Variants in ZC2HC1A observed in about 807,000 individuals in gnomAD.
The protein encoded by ZC2HC1A is zinc finger C2HC-type containing 1A, also known as zinc finger C2HC domain-containing protein 1A.
ZC2HC1A carries 28 observed loss-of-function variants against 40.7 expected under a neutral mutation model. The ratio of observed to expected loss-of-function variants is 0.69; its 90% CI spans 0.51 to 0.94. ZC2HC1A has a LOEUF of 0.94. Ranked by LOEUF, ZC2HC1A falls within the 40% of genes least tolerant of loss-of-function variation. The pLI is 0.00. For synonymous variants in ZC2HC1A, 129 were observed against 129.2 expected (o/e 1.00, Z 0.01); for missense variants, 389 against 386.3 (o/e 1.01, Z -0.06).
At chr8:78,708,159 A>T (rs1810837851) in intron 7 of ZC2HC1A, among the ~76,000 whole-genome samples, 1 of 152,232 alleles carries the variant, frequency 6.6e-6, no homozygotes, top group Non-Finnish European at 1.5e-5. Context: ...AGGTTGAATT[A>T]AGACATTTGG....
chr8:78,697,212 A>G (rs567363017), intron 5 of ZC2HC1A, among the ~76,000 whole-genome samples, 195 bp from the exon 6 acceptor site: 25 of 152,322 alleles, frequency 1.6e-4, no homozygotes, highest in African/African-American at 5.8e-4. Context: ...GTTTTTAAGA[A>G]TACAATTCAG....
intron 2 of ZC2HC1A, among the ~76,000 whole-genome samples, chr8:78,678,205 C>G (rs1294684556): frequency 6.6e-6 from 1 of 152,028 alleles, no homozygotes; most frequent in East Asian, 1.9e-4. Flanking sequence ...GAATGCAGTC[C>G]AGTAGGTTTC....
chr8:78,669,560 A>C (rs930863570), intron 1 of ZC2HC1A, among the ~76,000 whole-genome samples: 5 of 152,228 alleles, frequency 3.3e-5, no homozygotes, highest in Non-Finnish European at 7.3e-5. Context: ...ATTTGTCAGC[A>C]GTGGCTCAGA....
chr8:78,691,970 C>G (rs1810227481), intron 5 of ZC2HC1A, among the ~76,000 whole-genome samples: 1 of 152,104 alleles, frequency 6.6e-6, no homozygotes, highest in African/African-American at 2.4e-5. Context: ...TTCATGGATA[C>G]AATGTGCAAT....
At chr8:78,675,950 G>A (rs569778804) in intron 2 of ZC2HC1A, 87 bp downstream of exon 2, 28 of 1,194,006 alleles carry the variant, frequency 2.3e-5, no homozygotes, top group Admixed American at 1.3e-4. Flanking sequence ...AAGAATTTAC[G>A]TGGAATAGTT....
chr8:78,687,836 ATTAT>A (rs1453357004), intron 4 of ZC2HC1A, among the ~76,000 whole-genome samples: 1 of 64,582 alleles, frequency 1.5e-5, no homozygotes, highest in Non-Finnish European at 3.5e-5. Flanking sequence ...CATGTAATAA[ATTAT>A]ATATATATTT....
At chr8:78,698,071 G>C (rs1810489235) in intron 6 of ZC2HC1A, among the ~76,000 whole-genome samples, 1 of 152,096 alleles carries the variant, frequency 6.6e-6, no homozygotes, top group South Asian at 2.1e-4. Context: ...GTACTTCCTT[G>C]ATTCTTTGAT....
In ZC2HC1A at chr8:78,718,508, T is replaced by A. The variant is rs1811173965; in HGVS notation, c.*1015T>A. 1 of 151,942 alleles carries A rather than the reference T, an allele frequency of 6.6e-6. No homozygotes were observed. Among genetic ancestry groups the A allele is most frequent in the South Asian group, 2.1e-4 (1 of 4,832 alleles). The allele number at this position is 151,942 out of a possible 1,614,324, so 9.4% of individuals were successfully genotyped here. A position where few individuals can be genotyped will look rare whatever the true frequency, so the allele number is the denominator to read the frequency against. ...AGATAAAAAATATTTGAATTTTTTT[T>A]TCTTGGAAGTACATGTAGTTATGAG... On this transcript the variant is annotated 3_prime_UTR_variant, in exon 9 of 9. Transcript: ENST00000263849.
At chr8:78,683,157 G>A (rs751965348) in intron 3 of ZC2HC1A, among the ~76,000 whole-genome samples, 37 of 151,802 alleles carry the variant, frequency 2.4e-4, no homozygotes, top group African/African-American at 7.2e-4. Flanking sequence ...GCAACCTGTC[G>A]GTGGATCTAC....
intron 7 of ZC2HC1A, chr8:78,712,143 A>G: frequency 8.4e-7 from 1 of 1,187,116 alleles, no homozygotes; most frequent in Non-Finnish European, 1.1e-6. Context: ...AATATTTTTC[A>G]GATATTTCCT....
intron 3 of ZC2HC1A, among the ~76,000 whole-genome samples, chr8:78,681,501 T>A (rs7842142): frequency 6.6e-6 from 1 of 151,934 alleles, no homozygotes. Context: ...TGCATTTATA[T>A]TAATCAGAGA....
intron 5 of ZC2HC1A, among the ~76,000 whole-genome samples, chr8:78,695,231 T>C (rs1181168445): frequency 6.6e-6 from 1 of 152,130 alleles, no homozygotes; most frequent in African/African-American, 2.4e-5. Context: ...CTCAGAAAAC[T>C]CAACAATAAA....
At chr8:78,668,165 C>G (rs1809353900) in intron 1 of ZC2HC1A, among the ~76,000 whole-genome samples, 1 of 151,904 alleles carries the variant, frequency 6.6e-6, no homozygotes, top group African/African-American at 2.4e-5. Flanking sequence ...CCTCCTTCTC[C>G]CCTCTCCCTC....
Position 78,689,222 on chromosome 8 carries a change from A to T in ZC2HC1A, c.353A>T (p.Asp118Val). The change falls in exon 5 of 9, where the codon GAT (aspartate) becomes GTT (valine). Residue 118 changes from aspartate to valine, a missense_variant and splice_region_variant. Coordinates refer to ENST00000263849, the MANE Select transcript of ZC2HC1A (RefSeq NM_016010.3). ...CTGTTTCCGTTTTTATCTGTTATAG[A>T]TTATATTCAATGTCCATATTGTCAG... ...PPPPPPSYDP[D>V]YIQCPYCQRR... 2 of 1,558,222 alleles carry T rather than the reference A, an allele frequency of 1.3e-6. No individual in the cohort carries two copies. The highest frequency in any genetic ancestry group is 1.7e-6 in the Non-Finnish European group (2 of 1,154,934).
At position 78,698,396 on chromosome 8, in the gene ZC2HC1A, A is replaced by G. The variant is rs1360676492; in HGVS notation, c.605-18A>G. ...CTTTTTTAGAGTATTGTTAAAAATA[A>G]TGCTTTTTTATTATAAGGTGTTCCT... On this transcript the variant is annotated intron_variant, in intron 6 of 8. Transcript: ENST00000263849. 1.9e-6 allele frequency: 3 copies of G among 1,589,086 alleles called. 1 individual carries two copies. The South Asian group carries it at 3.4e-5, about 18-fold the overall frequency.
At chr8:78,666,488 C>T (rs944381051) in intron 1 of ZC2HC1A, among the ~76,000 whole-genome samples, 9 of 152,182 alleles carry the variant, frequency 5.9e-5, no homozygotes, top group Non-Finnish European at 1.2e-4. Flanking sequence ...TTTAGTGATC[C>T]CAGTCTCTGG....
intron 1 of ZC2HC1A, among the ~76,000 whole-genome samples, chr8:78,666,524 ACT>A (rs766213864): frequency 5.3e-5 from 8 of 151,778 alleles, no homozygotes; most frequent in East Asian, 1.9e-4. Context: ...CTTGTACTGG[ACT>A]CTCTCCATTA....
At chr8:78,668,958 G>C (rs138020395) in intron 1 of ZC2HC1A, among the ~76,000 whole-genome samples, 1 of 152,200 alleles carries the variant, frequency 6.6e-6, no homozygotes, top group Non-Finnish European at 1.5e-5. Context: ...CAGACTGTCC[G>C]TTCCTCTTGT....
intron 8 of ZC2HC1A, among the ~76,000 whole-genome samples, chr8:78,716,314 G>A (rs1372899444): frequency 4.6e-5 from 7 of 151,372 alleles, no homozygotes; most frequent in East Asian, 4.0e-4. Context: ...TATTAGAGAC[G>A]GGGTTTCACC....
Sources: gnomAD v4.1 joint callset for allele counts (sites outside exome capture counted in the v4.1 genomes callset) on GRCh38, gnomAD v4.1.1 for gene constraint, MANE v1.5 for transcripts, NCBI Gene and HGNC (gene_info 2026-07-23, HGNC 2026-07-21) for gene names.